Variants in TPCN2 observed in about 807,000 individuals in gnomAD.
TPCN2 encodes the protein two pore segment channel 2.
In TPCN2, 92 loss-of-function variants were observed where a neutral mutation model predicts 111.4. The observed-to-expected ratio is 0.83, with a 90% CI of 0.70 to 0.98. The LOEUF is 0.98. TPCN2 is among the 50% of genes least tolerant of loss of function. The probability of loss-of-function intolerance (pLI) is 0.00; values close to 1 mark genes in which losing one functional copy is unlikely to be tolerated. For synonymous variants in TPCN2, 405 were observed against 414.5 expected, an observed-to-expected ratio of 0.98 and a Z score of 0.28; for missense variants, 995 against 980.1, an observed-to-expected ratio of 1.02 and a Z score of -0.20.
intron 4 of TPCN2, among the ~76,000 whole-genome samples, chr11:69,056,444 T>C: frequency 6.6e-6 from 1 of 152,226 alleles, no homozygotes; most frequent in East Asian, 1.9e-4. Flanking sequence ...TCATTAGCGT[T>C]TTTTGAATGG....
At chr11:69,054,141 GCCCTCCGATTGGCTCGC>G in intron 2 of TPCN2, 44 bp downstream of exon 2, 1 of 1,547,110 alleles carries the variant, frequency 6.5e-7, no homozygotes, top group African/African-American at 1.4e-5. Context: ...GGGGGTGGCC[GCCCTCCGATTGGCTCGC>G]CCCTCCAGGG....
chr11:69,057,749 G>T, intron 5 of TPCN2, 55 bp downstream of exon 5: 1 of 1,534,818 alleles, frequency 6.5e-7, no homozygotes, highest in Middle Eastern at 1.7e-4. Context: ...TGGTGTGGGT[G>T]CAAGGCCCAC....
At position 69,049,037 on chromosome 11, in the gene TPCN2, G is replaced by T. The variant is rs1861090172; in HGVS notation, c.40G>T (p.Gly14Trp). Residue 14 changes from glycine to tryptophan, a missense_variant, in exon 1 of 25, where the codon GGG (glycine) becomes TGG (tryptophan). Gly to Trp is a radical substitution (Grantham distance 184). Transcript: ENST00000294309. ...PQAESEPLLG[G>W]ARGGGGDWPA... is the part of the protein sequence containing the mutation. ...GGCGGAGTCGGAGCCCCTGCTGGGC[G>T]GGGCCCGCGGCGGTGGCGGCGACTG... The T allele has an allele frequency of 8.9e-6, 11 of 1,241,808 alleles. No homozygotes were observed. The highest frequency in any genetic ancestry group is 8.4e-5 in the Admixed American group (2 of 23,702). 76.9% of individuals were successfully genotyped at this position (1,241,808 alleles called of 1,614,324 possible). A position where few individuals can be genotyped will look rare whatever the true frequency, so the allele number is the denominator to read the frequency against.
chr11:69,055,049 C>T (rs1403076790), intron 3 of TPCN2, 126 bp from the exon 4 acceptor site: 5 of 1,049,720 alleles, frequency 4.8e-6, no homozygotes, highest in East Asian at 2.4e-5. Flanking sequence ...GTGATCTCCC[C>T]AGTCACGAGT....
rs1415022427 is a variant in TPCN2, at chr11:69,054,712, C to G, written c.175-9C>G. ...CCATGTCATGCCTCATGTGACTTTT[C>G]GCTTGTAGTACCGCTCCATCAACCA... is the stretch of plus-strand genomic sequence containing the variant. On this transcript the variant is annotated splice_polypyrimidine_tract_variant and intron_variant, in intron 2 of 24. Transcript: ENST00000294309. The G allele has an allele frequency of 6.2e-7, 1 of 1,613,950 alleles. No homozygotes were observed. Among genetic ancestry groups the G allele is most frequent in the Non-Finnish European group, 8.5e-7 (1 of 1,179,842 alleles).
chr11:69,051,606 G>A (rs1408874250), intron 1 of TPCN2, among the ~76,000 whole-genome samples: 1 of 152,218 alleles, frequency 6.6e-6, no homozygotes, highest in Admixed American at 6.5e-5. Flanking sequence ...AAGCCGTGTC[G>A]AGGCCTGGTG....
At chr11:69,063,154 G>A (rs1855098918) in intron 6 of TPCN2, among the ~76,000 whole-genome samples, 164 bp downstream of exon 6, 1 of 151,886 alleles carries the variant, frequency 6.6e-6, no homozygotes, top group Non-Finnish European at 1.5e-5. Context: ...GGCTTTTGGG[G>A]TCTCTTTGGT....
Position 69,072,648 on chromosome 11 carries a change from C to T in TPCN2, c.1083C>T (p.Asn361=). The T allele has an allele frequency of 6.2e-7, 1 of 1,613,904 alleles. No individual in the cohort carries two copies. Among genetic ancestry groups the T allele is most frequent in the Non-Finnish European group, 8.5e-7 (1 of 1,180,020 alleles). ...GCAGAGTTGGGGTGAAGCCCCAGAA[C>T]TTGCTGCAGGTGCTTCAGAAGGTCC... ...FPQAVGVKPQ[N]LLQVLQKVQL... The change falls in exon 12 of 25, where the codon AAC becomes AAT. Residue 361 remains asparagine, a synonymous_variant. Transcript: ENST00000294309.
chr11:69,055,614 G>T (rs543687889), intron 4 of TPCN2, among the ~76,000 whole-genome samples: 5 of 151,436 alleles, frequency 3.3e-5, no homozygotes, highest in African/African-American at 1.2e-4. Context: ...ACTGAGGCCA[G>T]TGTGCCGTCA....
intron 4 of TPCN2, among the ~76,000 whole-genome samples, chr11:69,057,292 A>G (rs919312891): frequency 3.3e-5 from 5 of 152,234 alleles, no homozygotes; most frequent in Non-Finnish European, 7.3e-5. Context: ...CTCAGCCTGC[A>G]CAAGGTGGTT....
At chr11:69,053,247 C>T (rs544847468) in intron 1 of TPCN2, among the ~76,000 whole-genome samples, 3 of 152,328 alleles carry the variant, frequency 2.0e-5, no homozygotes, top group Admixed American at 6.5e-5. Context: ...TTGGTAAAGG[C>T]GGGCGGCCAC....
chr11:69,085,724 A>G lies in TPCN2; in HGVS notation c.1892A>G (p.Tyr631Cys), dbSNP rs1856244196. 3 of 1,613,978 alleles carry G rather than the reference A, an allele frequency of 1.9e-6. No individual in the cohort carries two copies. Among genetic ancestry groups the G allele is most frequent in the Non-Finnish European group, 2.5e-6 (3 of 1,180,010 alleles). Residue 631 changes from tyrosine (Y) to cysteine (C), a missense_variant, in exon 21 of 25, where the codon TAC becomes TGC. Tyr to Cys is a radical substitution (Grantham distance 194). Transcript: ENST00000294309. The part of the protein sequence containing the change: ...APCGSFEQLE[Y>C]WANNFDDFAA... ...TGTGGGAGCTTCGAGCAGCTGGAGT[A>G]CTGGGCCAACAACTTCGATGACTTT...
At position 69,070,033 on chromosome 11, in the gene TPCN2, T is replaced by C. The variant is rs1039919505; in HGVS notation, c.830-397T>C. ...TTCTTTTTTTCTTTCTTTCTTTTTTTTTTTTGTTTGAGATGGTGCCATGCT... is the reference window on the plus strand; with the variant it reads ...TTCTTTTTTTCTTTCTTTCTTTTTTCTTTTTGTTTGAGATGGTGCCATGCT... On this transcript the variant is annotated intron_variant, in intron 8 of 24. Transcript: ENST00000294309. Among the ~76,000 whole-genome samples, 277 of 151,916 alleles carry C rather than the reference T, an allele frequency of 1.8e-3. 2 individuals carry two copies. Among genetic ancestry groups the C allele is most frequent in the African/African-American group, 6.4e-3 (267 of 41,434 alleles).
chr11:69,075,374 C>G (rs1343924097), intron 13 of TPCN2, among the ~76,000 whole-genome samples: 2 of 152,210 alleles, frequency 1.3e-5, no homozygotes, highest in Non-Finnish European at 2.9e-5. Context: ...CTACACACAT[C>G]CTTCCGTATA....
intron 1 of TPCN2, among the ~76,000 whole-genome samples, chr11:69,052,595 C>T (rs569467066): frequency 6.6e-4 from 100 of 152,224 alleles, no homozygotes; most frequent in Non-Finnish European, 1.1e-3. Flanking sequence ...CAGGGCCGGG[C>T]AGAGTGAGGG....
At chr11:69,056,641 C>G (rs1055843865) in intron 4 of TPCN2, among the ~76,000 whole-genome samples, 1 of 151,500 alleles carries the variant, frequency 6.6e-6, no homozygotes. Context: ...TTAGGTGATT[C>G]TCCTGCCTCA....
At chr11:69,081,354 G>GGGGCTCCT (rs1222628187) in intron 17 of TPCN2, 46 bp from the exon 18 acceptor site, 4 of 1,373,142 alleles carry the variant, frequency 2.9e-6, no homozygotes, top group Non-Finnish European at 4.0e-6. Flanking sequence ...TCCTCCCTGT[G>GGGGCTCCT]GGGCTCCTGG....
chr11:69,086,017 G>T (rs1448607866), intron 22 of TPCN2, 87 bp downstream of exon 22: 26 of 1,347,200 alleles, frequency 1.9e-5, no homozygotes, highest in Non-Finnish European at 2.5e-5. Context: ...TGCACTGGAC[G>T]CCCGGAGCGT....
At chr11:69,051,267 G>T (rs10792011) in intron 1 of TPCN2, among the ~76,000 whole-genome samples, 130,332 of 152,254 alleles carry the variant, frequency 0.86, 57,739 homozygotes, top group Non-Finnish European at 0.99. Flanking sequence ...TTCTCTTGTT[G>T]CTGGGTCAGA....
Sources: gnomAD v4.1 joint callset for allele counts (sites outside exome capture counted in the v4.1 genomes callset) on GRCh38, gnomAD v4.1.1 for gene constraint, MANE v1.5 for transcripts, NCBI Gene and HGNC (gene_info 2026-07-23, HGNC 2026-07-21) for gene names.